CDKL4: variants seen among roughly 807,000 people sequenced by gnomAD.
The protein encoded by CDKL4 is cyclin dependent kinase like 4.
In CDKL4, 44 loss-of-function variants were observed where a neutral mutation model predicts 42.0. The observed-to-expected ratio is 1.05, with a 90% CI of 0.82 to 1.35. CDKL4 has a LOEUF of 1.35. Ranked by LOEUF, CDKL4 falls within the 40% of genes most tolerant of loss-of-function variation. CDKL4 has a pLI of 0.00. For synonymous variants in CDKL4, 120 were observed against 121.6 expected (o/e 0.99, Z 0.09); for missense variants, 393 against 369.9 (o/e 1.06, Z -0.51).
At chr2:39,185,382 ATATACATG>A (rs1358214075) in intron 7 of CDKL4, among the ~76,000 whole-genome samples, 573 of 16,538 alleles carry the variant, frequency 0.035, 233 homozygotes, top group Non-Finnish European at 0.067. Flanking sequence ...ACATATGTAT[ATATACATG>A]TATATATACA....
At chr2:39,182,524 G>A (rs1050814758) in intron 8 of CDKL4, among the ~76,000 whole-genome samples, 8 of 152,170 alleles carry the variant, frequency 5.3e-5, no homozygotes, top group Non-Finnish European at 1.0e-4. Context: ...ATAACTTTCT[G>A]TATATCAAGA....
At chr2:39,214,969 T>C (rs1677826760) in intron 3 of CDKL4, among the ~76,000 whole-genome samples, 1 of 152,204 alleles carries the variant, frequency 6.6e-6, no homozygotes, top group Admixed American at 6.5e-5. Context: ...CCATGAATTA[T>C]AGCAATTACA....
chr2:39,208,972 C>T (rs1015320312), intron 4 of CDKL4, among the ~76,000 whole-genome samples: 6 of 151,898 alleles, frequency 4.0e-5, no homozygotes, highest in South Asian at 2.1e-4. Context: ...AAGATGCTGA[C>T]GGAGGTTGCA....
chr2:39,178,947 G>A (rs1272891509), intron 9 of CDKL4: 31 of 1,444,374 alleles, frequency 2.1e-5, no homozygotes, highest in Non-Finnish European at 2.8e-5. Context: ...AGCAGCCAAA[G>A]AGTTGCGTAA....
At chr2:39,175,100 G>A (rs920891472), downstream of CDKL4, among the ~76,000 whole-genome samples, 2 of 152,100 alleles carry the variant, frequency 1.3e-5, no homozygotes, top group Non-Finnish European at 2.9e-5. Context: ...TCCTGCTCTT[G>A]TGTTTACAAA....
At chr2:39,183,260 T>G (rs1419683658) in intron 8 of CDKL4, among the ~76,000 whole-genome samples, 1 of 44,588 alleles carries the variant, frequency 2.2e-5, no homozygotes, top group Non-Finnish European at 4.1e-5. Flanking sequence ...AGAGCAAGAC[T>G]CTGTCTCAAA....
At chr2:39,174,952 A>T (rs1675106444), downstream of CDKL4, among the ~76,000 whole-genome samples, 1 of 152,106 alleles carries the variant, frequency 6.6e-6, no homozygotes, top group Non-Finnish European at 1.5e-5. Flanking sequence ...GGGAAAAAAT[A>T]TATATATGTA....
chr2:39,236,562 C>T (rs867139200), intron 1 of CDKL4, among the ~76,000 whole-genome samples: 4 of 152,038 alleles, frequency 2.6e-5, no homozygotes, highest in Non-Finnish European at 5.9e-5. Context: ...GAGAACCATT[C>T]GTATACAAGG....
chr2:39,228,756 C>G (rs1046545851), intron 2 of CDKL4, among the ~76,000 whole-genome samples: 3 of 152,224 alleles, frequency 2.0e-5, no homozygotes, highest in African/African-American at 7.2e-5. Context: ...AGATAAGAAG[C>G]ATCTCTACGG....
chr2:39,190,197 A>G, intron 6 of CDKL4, 108 bp downstream of exon 6: 1 of 746,586 alleles, frequency 1.3e-6, no homozygotes, highest in Non-Finnish European at 2.0e-6. Context: ...ACTTTGAAGA[A>G]GCAATAAAAC....
chr2:39,225,976 A>C lies in CDKL4; in HGVS notation c.169-16T>G, dbSNP rs768187251. On this transcript the variant is annotated splice_polypyrimidine_tract_variant and intron_variant, in intron 2 of 9. Coordinates refer to ENST00000451199, the Ensembl canonical transcript of CDKL4. ...GTTTTAATTGCTGTGAAAGAATTGA[A>C]ATGCAAAGTTAAGTGATCTGTTACT... is the stretch of plus-strand genomic sequence containing the variant. The C allele has an allele frequency of 8.1e-6, 13 of 1,605,242 alleles. No individual in the cohort carries two copies. Among genetic ancestry groups the C allele is most frequent in the South Asian group, 7.8e-5 (7 of 89,526 alleles).
chr2:39,179,937 C>T (rs1230153137), intron 8 of CDKL4, among the ~76,000 whole-genome samples: 2 of 152,104 alleles, frequency 1.3e-5, no homozygotes, highest in Non-Finnish European at 2.9e-5. Flanking sequence ...TATGACCCTT[C>T]TATATTTGAG....
downstream of CDKL4, among the ~76,000 whole-genome samples, chr2:39,174,558 G>A (rs1162251948): frequency 6.6e-6 from 1 of 152,164 alleles, no homozygotes; most frequent in African/African-American, 2.4e-5. Context: ...ATATTATCAT[G>A]TTTCTTCAAC....
At chr2:39,179,019 C>T in intron 9 of CDKL4, 168 bp downstream of exon 9, 1 of 1,465,748 alleles carries the variant, frequency 6.8e-7, no homozygotes, top group Non-Finnish European at 9.0e-7. Context: ...TTTCATAGTT[C>T]TATGGTTTTA....
downstream of CDKL4, among the ~76,000 whole-genome samples, chr2:39,173,361 C>A (rs1034687533): frequency 6.6e-6 from 1 of 152,030 alleles, no homozygotes; most frequent in African/African-American, 2.4e-5. Context: ...TTCTTTGCAC[C>A]CGTGGTATCG....
downstream of CDKL4, among the ~76,000 whole-genome samples, chr2:39,174,249 G>T (rs1675080075): frequency 6.6e-6 from 1 of 151,904 alleles, no homozygotes; most frequent in South Asian, 2.1e-4. Context: ...TACAAAAAAA[G>T]TTAAAAATTA....
At chr2:39,192,181 G>C (rs1676224001) in intron 5 of CDKL4, among the ~76,000 whole-genome samples, 1 of 152,128 alleles carries the variant, frequency 6.6e-6, no homozygotes, top group African/African-American at 2.4e-5. Context: ...TAAGTCAGCT[G>C]TTTTATTTGT....
intron 5 of CDKL4, among the ~76,000 whole-genome samples, chr2:39,193,455 A>G (rs932102491): frequency 6.6e-6 from 1 of 151,534 alleles, no homozygotes; most frequent in East Asian, 1.9e-4. Context: ...GGCTCACCGC[A>G]ACCTCCACCT....
chr2:39,179,382 C>G lies in CDKL4; in HGVS notation c.793-61G>C, dbSNP rs991048841. The G allele has an allele frequency of 6.8e-6, 9 of 1,315,468 alleles. No individual in the cohort carries two copies. In the African/African-American group the frequency reaches 1.2e-4, roughly 17 times the overall value. 81.5% of individuals were successfully genotyped at this position (1,315,468 alleles called of 1,614,324 possible). ...GGAGGGGCTCATTTTGTTACCGTGC[C>G]CACAAACTGAATAACTTGCTAGGAT... On this transcript the variant is annotated intron_variant, in intron 8 of 9. Transcript: ENST00000451199.
Sources: allele counts gnomAD v4.1 joint callset (sites outside exome capture counted in the v4.1 genomes callset), GRCh38; gene constraint gnomAD v4.1.1; transcripts MANE v1.5; gene names NCBI Gene and HGNC (gene_info 2026-07-23, HGNC 2026-07-21).